The following UNC5D variants were observed in gnomAD, a reference collection of about 807,000 sequenced individuals.
The protein encoded by UNC5D is netrin receptor UNC5D.
A neutral mutation model predicts 105.4 loss-of-function variants in UNC5D; 39 were observed. The observed-to-expected ratio is 0.37, with a 90% CI of 0.29 to 0.48. The LOEUF is 0.48. UNC5D is among the 20% of genes least tolerant of loss of function. The pLI is 0.98. For missense variants in UNC5D, 991 were observed against 1,202.4 expected, an observed-to-expected ratio of 0.82 and a Z score of 2.60; for synonymous variants, 452 against 450.4, an observed-to-expected ratio of 1.00 and a Z score of -0.04.
At chr8:35,411,406 T>C (rs1174946450) in intron 1 of UNC5D, among the ~76,000 whole-genome samples, 1 of 152,030 alleles carries the variant, frequency 6.6e-6, no homozygotes, top group Non-Finnish European at 1.5e-5. Flanking sequence ...ACAGTCACCA[T>C]TCCTAATTTG....
intron 11 of UNC5D, among the ~76,000 whole-genome samples, chr8:35,747,332 T>A (rs1357539234): frequency 6.6e-6 from 1 of 152,216 alleles, no homozygotes; most frequent in Non-Finnish European, 1.5e-5. Flanking sequence ...CAGAAATGAA[T>A]AGCACATTAG....
chr8:35,341,301 C>T (rs1811437124), intron 1 of UNC5D, among the ~76,000 whole-genome samples: 1 of 152,094 alleles, frequency 6.6e-6, no homozygotes, highest in Non-Finnish European at 1.5e-5. Context: ...AAAGGCATGA[C>T]CTACTTAAAC....
Position 35,731,002 on chromosome 8 carries a change from T to C in UNC5D, c.1682-10T>C. 1.2e-6 allele frequency: 2 copies of C among 1,613,510 alleles called. No individual in the cohort carries two copies. Among genetic ancestry groups the C allele is most frequent in the African/African-American group, 1.3e-5 (1 of 75,046 alleles). ...ATCTATGAATAACCTGTTGGCTTTT[T>C]CTGTTTTAGGGGTGAGCTTACTCAT... On this transcript the variant is annotated splice_polypyrimidine_tract_variant and intron_variant, in intron 10 of 16. Coordinates refer to ENST00000404895, the MANE Select transcript of UNC5D (RefSeq NM_080872.4).
chr8:35,703,691 G>A (rs1664506689), intron 7 of UNC5D, among the ~76,000 whole-genome samples: 1 of 152,130 alleles, frequency 6.6e-6, no homozygotes, highest in Admixed American at 6.5e-5. Context: ...TGTTTTTAAT[G>A]GAGTTTCATT....
intron 1 of UNC5D, among the ~76,000 whole-genome samples, chr8:35,499,192 C>T (rs995035063): frequency 1.3e-5 from 2 of 152,152 alleles, no homozygotes; most frequent in African/African-American, 2.4e-5. Flanking sequence ...ATGATCAGGG[C>T]AAGATTCAGT....
At chr8:35,534,241 A>G (rs912887087) in intron 1 of UNC5D, among the ~76,000 whole-genome samples, 4 of 151,902 alleles carry the variant, frequency 2.6e-5, no homozygotes, top group African/African-American at 9.7e-5. Context: ...TTGATGAGCA[A>G]CTCGTAATGC....
intron 1 of UNC5D, among the ~76,000 whole-genome samples, chr8:35,388,142 G>A (rs1803546148): frequency 6.6e-6 from 1 of 152,078 alleles, no homozygotes; most frequent in African/African-American, 2.4e-5. Context: ...GGGAGGCCGA[G>A]GTGGGTGGAT....
At chr8:35,789,583 G>T (rs1222645505) in intron 16 of UNC5D, among the ~76,000 whole-genome samples, 1 of 151,996 alleles carries the variant, frequency 6.6e-6, no homozygotes, top group Non-Finnish European at 1.5e-5. Context: ...CTGATGCATT[G>T]CGTTTGTGGA....
chr8:35,454,260 A>G (rs927920869), intron 1 of UNC5D, among the ~76,000 whole-genome samples: 4 of 152,198 alleles, frequency 2.6e-5, no homozygotes, highest in African/African-American at 7.2e-5. Context: ...CATGACACAC[A>G]GGAACATACC....
At chr8:35,732,989 C>A (rs765854828) in intron 11 of UNC5D, among the ~76,000 whole-genome samples, 2 of 152,110 alleles carry the variant, frequency 1.3e-5, no homozygotes, top group African/African-American at 4.8e-5. Flanking sequence ...TTTGGTTTAT[C>A]CTTCTGTGTC....
chr8:35,514,860 G>T (rs374473452), intron 1 of UNC5D, among the ~76,000 whole-genome samples: 229 of 152,312 alleles, frequency 1.5e-3, no homozygotes, highest in South Asian at 9.1e-3. Context: ...AGAAGGAATG[G>T]ATTTTGTCTT....
chr8:35,269,272 G>A (rs1353348002), intron 1 of UNC5D, among the ~76,000 whole-genome samples: 3 of 152,166 alleles, frequency 2.0e-5, no homozygotes, highest in Non-Finnish European at 2.9e-5. Flanking sequence ...CATCCCATTT[G>A]CCAAGCGTGC....
intron 1 of UNC5D, among the ~76,000 whole-genome samples, chr8:35,457,954 A>G (rs1808607872): frequency 6.6e-6 from 1 of 152,078 alleles, no homozygotes; most frequent in African/African-American, 2.4e-5. Flanking sequence ...CTGGCAAACA[A>G]TTTTTTCGAA....
chr8:35,427,157 C>G lies in UNC5D; in HGVS notation c.104-122135C>G, dbSNP rs117151142. 1.7e-3 allele frequency among the ~76,000 whole-genome samples: 265 copies of G among 152,270 alleles called. 3 individuals are homozygous for G. The East Asian group carries it at 0.046, about 26-fold the overall frequency. On this transcript the variant is annotated intron_variant, in intron 1 of 16. Transcript: ENST00000404895. ...AGAATTCAGGGTTCCCCCCAACTAC[C>G]CCTTTGAATTATTCTGTTAGGTCTG...
Position 35,426,543 on chromosome 8 carries a change from A to G in UNC5D, c.104-122749A>G, listed in dbSNP as rs568632203. ...CTGCTAAACATACTCTTCTAGTATCACACTAGGAGAGTTATTTTGAGGTTA... is the reference window on the plus strand; with the variant it reads ...CTGCTAAACATACTCTTCTAGTATCGCACTAGGAGAGTTATTTTGAGGTTA... On this transcript the variant is annotated intron_variant, in intron 1 of 16. Transcript: ENST00000404895. 2.8e-4 allele frequency among the ~76,000 whole-genome samples: 43 copies of G among 152,340 alleles called. 2 individuals are homozygous for G. In the South Asian group the frequency reaches 8.3e-3, roughly 29 times the overall value.
chr8:35,345,091 A>G (rs1361971818), intron 1 of UNC5D, among the ~76,000 whole-genome samples: 1 of 152,046 alleles, frequency 6.6e-6, no homozygotes, highest in African/African-American at 2.4e-5. Context: ...TTTGATCTAT[A>G]TATTAACTTT....
intron 1 of UNC5D, among the ~76,000 whole-genome samples, chr8:35,240,560 C>T (rs1417307955): frequency 6.6e-6 from 1 of 151,820 alleles, no homozygotes; most frequent in African/African-American, 2.4e-5. Flanking sequence ...CTGTGATTAC[C>T]CCCATTGGTA....
At chr8:35,756,186 C>G (rs1830510754) in intron 13 of UNC5D, among the ~76,000 whole-genome samples, 1 of 152,068 alleles carries the variant, frequency 6.6e-6, no homozygotes, top group Non-Finnish European at 1.5e-5. Context: ...TATAGAATAA[C>G]TGTAATTGCT....
chr8:35,699,736 G>T (rs1586470586), intron 7 of UNC5D, among the ~76,000 whole-genome samples: 5 of 152,288 alleles, frequency 3.3e-5, no homozygotes, highest in Admixed American at 3.3e-4. Context: ...GGGGAGTAGG[G>T]TTGAAGTGAG....
Sources: allele counts gnomAD v4.1 joint callset (sites outside exome capture counted in the v4.1 genomes callset), GRCh38; gene constraint gnomAD v4.1.1; transcripts MANE v1.5; gene names NCBI Gene and HGNC (gene_info 2026-07-23, HGNC 2026-07-21).